The following KCND3 variants were observed in gnomAD, a reference collection of about 807,000 sequenced individuals.
The protein encoded by KCND3 is potassium voltage-gated channel subfamily D member 3, also known as A-type voltage-gated potassium channel KCND3.
In KCND3, 9 loss-of-function variants were observed where a neutral mutation model predicts 51.1. The ratio of observed to expected loss-of-function variants is 0.18; its 90% confidence interval spans 0.11 to 0.31. The LOEUF is 0.31. KCND3 is among the 10% of genes least tolerant of loss of function. The probability of loss-of-function intolerance (pLI) is 1.00; values close to 1 mark genes in which losing one functional copy is unlikely to be tolerated. For missense variants in KCND3, 526 were observed against 903.8 expected, an observed-to-expected ratio of 0.58 and a Z score of 5.36; for synonymous variants, 349 against 368.0, an observed-to-expected ratio of 0.95 and a Z score of 0.59.
chr1:111,856,825 G>C (rs1292772318), intron 2 of KCND3: 3 of 152,342 alleles, frequency 2.0e-5, no homozygotes, highest in Non-Finnish European at 4.4e-5. Context: ...TACCTTGTGA[G>C]ATCCTGTCCC....
At chr1:111,974,777 C>A (rs560352378) in intron 2 of KCND3, among the ~76,000 whole-genome samples, 1 of 152,230 alleles carries the variant, frequency 6.6e-6, no homozygotes, top group Non-Finnish European at 1.5e-5. Flanking sequence ...AAGAGGGAAA[C>A]CCAAACAAAA....
At chr1:111,808,327 G>A (rs546159601) in intron 2 of KCND3, among the ~76,000 whole-genome samples, 45 of 152,084 alleles carry the variant, frequency 3.0e-4, no homozygotes, top group East Asian at 1.9e-4. Flanking sequence ...CTTTGTAATC[G>A]GTTTGTTCAT....
Position 111,981,104 on chromosome 1 carries a change from G to A in KCND3, c.1106+517C>T, listed in dbSNP as rs1279934118. ...CGCTTGAGTGTCTGTGGCAGCACAG[G>A]AGAAAAGCATAACAAATGGGAAAAT... On this transcript the variant is annotated intron_variant, in intron 2 of 7. Coordinates refer to ENST00000302127, the MANE Select transcript of KCND3 (RefSeq NM_001378969.1). This position sits in a 1 kb window ranked among gnomAD's most constrained non-coding sequence, Gnocchi z 6.2. Among the ~76,000 whole-genome samples, 4 of 152,148 alleles carry A rather than the reference G, an allele frequency of 2.6e-5. No homozygotes were observed. Among genetic ancestry groups the A allele is most frequent in the Non-Finnish European group, 5.9e-5 (4 of 68,034 alleles).
chr1:111,925,903 C>T (rs978232996), intron 2 of KCND3, among the ~76,000 whole-genome samples: 2 of 152,126 alleles, frequency 1.3e-5, no homozygotes, highest in African/African-American at 4.8e-5. Flanking sequence ...CGACACCATC[C>T]TCTTTCCCAG....
At chr1:111,978,551 T>C (rs963515276) in intron 2 of KCND3, among the ~76,000 whole-genome samples, 1 of 152,166 alleles carries the variant, frequency 6.6e-6, no homozygotes, top group Non-Finnish European at 1.5e-5. Context: ...AAACTAGCCA[T>C]GGAAGAGGGA....
intron 2 of KCND3, among the ~76,000 whole-genome samples, chr1:111,894,752 C>G (rs557799491): frequency 6.6e-6 from 1 of 152,308 alleles, no homozygotes; most frequent in Admixed American, 6.5e-5. Context: ...AGGGGAGATG[C>G]TCTGGCTACG....
rs572269035 is a variant in KCND3 at position 111,847,572 on chromosome 1, G to A, written c.1107-60466C>T. On this transcript the variant is annotated intron_variant, in intron 2 of 7. Coordinates refer to ENST00000302127, the MANE Select transcript of KCND3 (RefSeq NM_001378969.1). ...CGTGCCCGCGTGCATATGTGCAGGC[G>A]TGATCTACGTGGGGCTGGGTGTATC... Among the ~76,000 whole-genome samples the A allele has an allele frequency of 5.9e-5, 9 of 152,288 alleles. No individual in the cohort carries two copies. The Middle Eastern group carries it at 0.01, about 173-fold the overall frequency.
At chr1:111,939,895 G>A (rs1269170207) in intron 2 of KCND3, among the ~76,000 whole-genome samples, 1 of 152,092 alleles carries the variant, frequency 6.6e-6, no homozygotes, top group Admixed American at 6.5e-5. Context: ...AGCATCTGTT[G>A]TTTCCTGACT....
At chr1:111,876,109 G>A (rs898532767) in intron 2 of KCND3, among the ~76,000 whole-genome samples, 2 of 152,132 alleles carry the variant, frequency 1.3e-5, no homozygotes, top group Non-Finnish European at 1.5e-5. Context: ...TCCTCCTTAG[G>A]TCACGTTTAT....
rs773265114 is a variant in KCND3 at position 111,777,261 on chromosome 1, T to C, written c.1531A>G (p.Ile511Val). Residue 511 changes from isoleucine to valine, a missense_variant, in exon 7 of 8, where the codon ATT becomes GTT. Around this residue, in one of 5 missense-constraint regions of KCND3, gnomAD observed 266 missense variants for 305.5 expected, o/e 0.87. Transcript: ENST00000302127. ...TTCTGCTCAAACATCTGCTCATCAA[T>C]AAACTCGTGGTTCTGCGGGAGGCAG... ...RTSTIKNHEF[I>V]DEQMFEQNCM... is the part of the protein sequence containing the mutation. The C allele has an allele frequency of 6.2e-7, 1 of 1,614,148 alleles. No individual in the cohort carries two copies. The highest frequency in any genetic ancestry group is 8.5e-7 in the Non-Finnish European group (1 of 1,180,034).
At chr1:111,965,432 G>C (rs1241313591) in intron 2 of KCND3, among the ~76,000 whole-genome samples, 19 of 29,714 alleles carry the variant, frequency 6.4e-4, no homozygotes, top group Non-Finnish European at 2.1e-4. Context: ...CTTATGGCCA[G>C]CAAAACCACA....
At chr1:111,805,810 C>T (rs544167772) in intron 2 of KCND3, among the ~76,000 whole-genome samples, 3 of 152,328 alleles carry the variant, frequency 2.0e-5, no homozygotes, top group East Asian at 3.9e-4. Context: ...GGGCAGCAAC[C>T]TGCATGTGGG....
chr1:111,889,088 T>C (rs563898033), intron 2 of KCND3, among the ~76,000 whole-genome samples: 1 of 152,276 alleles, frequency 6.6e-6, no homozygotes, highest in African/African-American at 2.4e-5. Context: ...TGAGTTCGTT[T>C]GGGTAAATGG....
intron 2 of KCND3, 37 bp from the exon 3 acceptor site, chr1:111,787,143 G>C: frequency 1.9e-6 from 3 of 1,606,096 alleles, no homozygotes; most frequent in Non-Finnish European, 2.6e-6. Flanking sequence ...AAGGGAGAGA[G>C]GGCCATTTGG....
At position 111,772,551 on chromosome 1, in the gene KCND3, A is replaced by G. The variant is rs867382250; in HGVS notation, c.*3526T>C. 28 of 152,258 alleles carry G rather than the reference A, an allele frequency of 1.8e-4. No homozygotes were observed. The highest frequency in any genetic ancestry group is 6.8e-4 in the African/African-American group (28 of 41,472). The allele number at this position is 152,258 out of a possible 1,614,324, so 9.4% of individuals were successfully genotyped here. A position where few individuals can be genotyped will look rare whatever the true frequency, so the allele number is the denominator to read the frequency against. On this transcript the variant is annotated 3_prime_UTR_variant, in exon 8 of 8. Transcript: ENST00000302127. ...GTGGTAGAAAATGCATTAGACTAAT[A>G]GCCAAAAGACTCGTGTTCTGGTCTC...
At chr1:111,950,278 T>C (rs1009509694) in intron 2 of KCND3, among the ~76,000 whole-genome samples, 2 of 152,210 alleles carry the variant, frequency 1.3e-5, no homozygotes, top group East Asian at 1.9e-4. Context: ...CTGCTCTATT[T>C]AATTTTTTTG....
At chr1:111,948,387 C>G (rs1176688528) in intron 2 of KCND3, among the ~76,000 whole-genome samples, 1 of 152,244 alleles carries the variant, frequency 6.6e-6, no homozygotes, top group Non-Finnish European at 1.5e-5. Context: ...GAAAGCCAGC[C>G]TCCTGAGGTG....
At chr1:111,881,215 C>T (rs780543871) in intron 2 of KCND3, among the ~76,000 whole-genome samples, 9 of 152,230 alleles carry the variant, frequency 5.9e-5, no homozygotes, top group Non-Finnish European at 1.3e-4. Flanking sequence ...GATGCATTTC[C>T]CCACCTCCAT....
At chr1:111,954,302 C>T (rs974003124) in intron 2 of KCND3, among the ~76,000 whole-genome samples, 2 of 152,156 alleles carry the variant, frequency 1.3e-5, no homozygotes, top group African/African-American at 2.4e-5. Flanking sequence ...AGGAAAGGGA[C>T]GAGGAGCTAA....
Sources: gnomAD v4.1 joint callset for allele counts (sites outside exome capture counted in the v4.1 genomes callset) on GRCh38, gnomAD v4.1.1 for gene constraint, gnomAD v4.1.1 regional missense constraint, Gnocchi (gnomAD v3.1) non-coding constraint, MANE v1.5 for transcripts, NCBI Gene and HGNC (gene_info 2026-07-23, HGNC 2026-07-21) for gene names.